GALNT16: variants seen among roughly 807,000 people sequenced by gnomAD.
GALNT16 encodes polypeptide N-acetylgalactosaminyltransferase 16, also known as UDP-GalNAc:polypeptide N-acetylgalactosaminyltransferase-like protein 1.
Under a neutral mutation model 76.1 loss-of-function variants are expected in GALNT16, and 40 were observed. The ratio of observed to expected loss-of-function variants is 0.53; its 90% CI spans 0.41 to 0.68. GALNT16 has a LOEUF of 0.68. Ranked by LOEUF, GALNT16 falls within the 30% of genes least tolerant of loss-of-function variation. The pLI is 0.00. For synonymous variants in GALNT16, 276 were observed against 285.2 expected, an observed-to-expected ratio of 0.97 and a Z score of 0.32; for missense variants, 621 against 731.9, an observed-to-expected ratio of 0.85 and a Z score of 1.75.
At chr14:69,372,198 G>A in the GALNT16 span, among the ~76,000 whole-genome samples, 21 of 152,198 alleles carry the variant, frequency 1.4e-4, no homozygotes, top group East Asian at 3.9e-3. Context: ...AGGTGGCTGG[G>A]GGTTGGAGTG....
At chr14:69,289,179 A>G (rs1270803869) in intron 1 of GALNT16, among the ~76,000 whole-genome samples, 1 of 152,156 alleles carries the variant, frequency 6.6e-6, no homozygotes, top group East Asian at 1.9e-4. Flanking sequence ...TACCCAGTCA[A>G]ATAGAAGTCT....
At chr14:69,285,377 G>A (rs1011535383) in intron 1 of GALNT16, among the ~76,000 whole-genome samples, 3 of 152,104 alleles carry the variant, frequency 2.0e-5, no homozygotes, top group Non-Finnish European at 4.4e-5. Context: ...GACTATAAAA[G>A]TGCCTGCTGT....
At chr14:69,382,794 GAAAAAAAA>G in the GALNT16 span, among the ~76,000 whole-genome samples, 1 of 120,072 alleles carries the variant, frequency 8.3e-6, no homozygotes, top group Non-Finnish European at 1.8e-5. Flanking sequence ...ATCTCCAAAA[GAAAAAAAA>G]AAAAAAAGCA....
At chr14:69,282,866 A>G (rs1391624367) in intron 1 of GALNT16, among the ~76,000 whole-genome samples, 3 of 152,006 alleles carry the variant, frequency 2.0e-5, no homozygotes, top group Non-Finnish European at 4.4e-5. Flanking sequence ...GGGCTTCACC[A>G]TGTTGGCCAG....
intron 12 of GALNT16, among the ~76,000 whole-genome samples, chr14:69,342,588 C>T (rs1267756006): frequency 1.3e-5 from 2 of 151,744 alleles, no homozygotes; most frequent in Non-Finnish European, 2.9e-5. Flanking sequence ...AATCACTATA[C>T]ATAGATCTAA....
chr14:69,360,459 C>G (rs1366847327), downstream of GALNT16, among the ~76,000 whole-genome samples: 3 of 151,834 alleles, frequency 2.0e-5, no homozygotes, highest in East Asian at 5.8e-4. Flanking sequence ...GAAACCACAT[C>G]TCTACTAAAA....
intron 2 of GALNT16, among the ~76,000 whole-genome samples, chr14:69,321,526 GA>G (rs1484931049): frequency 6.6e-6 from 1 of 152,090 alleles, no homozygotes; most frequent in Non-Finnish European, 1.5e-5. Context: ...TCACCTGCAC[GA>G]ACAGTCTGAG....
At chr14:69,288,964 A>C (rs1203443344) in intron 1 of GALNT16, among the ~76,000 whole-genome samples, 1 of 151,918 alleles carries the variant, frequency 6.6e-6, no homozygotes, top group African/African-American at 2.4e-5. Context: ...TGCAGCCTCA[A>C]CCTCCTGAGC....
At chr14:69,383,540 T>C in the GALNT16 span, among the ~76,000 whole-genome samples, 2 of 152,216 alleles carry the variant, frequency 1.3e-5, no homozygotes, top group Non-Finnish European at 2.9e-5. Flanking sequence ...ATAACCAAAG[T>C]CACCTGGGGA....
chr14:69,324,575 G>A, intron 2 of GALNT16, 117 bp from the exon 3 acceptor site: 1 of 556,920 alleles, frequency 1.8e-6, no homozygotes, highest in South Asian at 2.6e-5. Context: ...CTGGCTGTTG[G>A]TGTGCCTTCT....
At chr14:69,351,306 T>C (rs1169741235) in intron 14 of GALNT16, 1 of 152,290 alleles carries the variant, frequency 6.6e-6, no homozygotes, top group Non-Finnish European at 1.5e-5. Context: ...AGGCAGGAAC[T>C]ATGGTGACCT....
At chr14:69,360,809 T>C (rs1349426081), downstream of GALNT16, among the ~76,000 whole-genome samples, 1 of 152,228 alleles carries the variant, frequency 6.6e-6, no homozygotes, top group Non-Finnish European at 1.5e-5. Flanking sequence ...TTCTGATGCA[T>C]GCTCAGGTTT....
intron 3 of GALNT16, among the ~76,000 whole-genome samples, 184 bp from the exon 4 acceptor site, chr14:69,325,153 T>G (rs375937715): frequency 6.6e-6 from 1 of 152,060 alleles, no homozygotes; most frequent in East Asian, 1.9e-4. Flanking sequence ...GGGCTTGTGG[T>G]CAAGTTGAAC....
chr14:69,268,491 C>T (rs980207606), intron 1 of GALNT16, among the ~76,000 whole-genome samples: 2 of 152,116 alleles, frequency 1.3e-5, no homozygotes, highest in African/African-American at 4.8e-5. Flanking sequence ...CAGGAAGGGC[C>T]GTGTGAGGTA....
rs1252150069 is a variant in GALNT16 at position 69,352,310 on chromosome 14, T to C, written c.*142T>C. ...CAGCAAATACCCACCATGACACACG[T>C]TCTCCAAAGCTTGTTCTAGGAGGGC... On this transcript the variant is annotated 3_prime_UTR_variant, in exon 15 of 15. Transcript: ENST00000448469. The C allele has an allele frequency of 1.3e-6, 1 of 782,394 alleles. No homozygotes were observed. Among genetic ancestry groups the C allele is most frequent in the Non-Finnish European group, 2.0e-6 (1 of 503,260 alleles). The allele number at this position is 782,394 out of a possible 1,614,324, so 48.5% of individuals were successfully genotyped here. A position where few individuals can be genotyped will look rare whatever the true frequency, so the allele number is the denominator to read the frequency against.
At chr14:69,303,226 G>A (rs903742123) in intron 1 of GALNT16, among the ~76,000 whole-genome samples, 6 of 152,164 alleles carry the variant, frequency 3.9e-5, no homozygotes, top group African/African-American at 1.4e-4. Flanking sequence ...ACATTTGCTC[G>A]TCATTCTGCC....
chr14:69,274,287 T>C (rs140003341), intron 1 of GALNT16, among the ~76,000 whole-genome samples: 443 of 152,358 alleles, frequency 2.9e-3, no homozygotes, highest in African/African-American at 0.01. Context: ...ACTTGTAATA[T>C]GTTATTATTT....
At chr14:69,292,227 G>T (rs1429421037) in intron 1 of GALNT16, among the ~76,000 whole-genome samples, 1 of 152,244 alleles carries the variant, frequency 6.6e-6, no homozygotes, top group Non-Finnish European at 1.5e-5. Context: ...TTTGTGCAAG[G>T]CCACACAGCT....
chr14:69,267,038 T>C (rs2044349736), intron 1 of GALNT16, among the ~76,000 whole-genome samples: 2 of 152,208 alleles, frequency 1.3e-5, no homozygotes, highest in South Asian at 4.1e-4. Flanking sequence ...CCTTCCCATA[T>C]TCCACTTCTA....
Sources: allele counts gnomAD v4.1 joint callset (sites outside exome capture counted in the v4.1 genomes callset), GRCh38; gene constraint gnomAD v4.1.1; transcripts MANE v1.5; gene names NCBI Gene and HGNC (gene_info 2026-07-23, HGNC 2026-07-21).